LOXHD1: variants seen among roughly 807,000 people sequenced by gnomAD.
The protein encoded by LOXHD1 is lipoxygenase homology domain-containing protein 1.
A neutral mutation model predicts 248.2 loss-of-function variants in LOXHD1; 205 were observed. That is an observed-to-expected ratio of 0.83 (90% CI 0.74 to 0.93). The LOEUF (loss-of-function observed/expected upper bound fraction) is 0.93, where lower values mean the gene tolerates loss of function less well. LOXHD1 is among the 40% of genes least tolerant of loss of function. The pLI is 0.00. For synonymous variants in LOXHD1, 1,113 were observed against 1,162.8 expected (o/e 0.96, Z 0.87); for missense variants, 2,930 against 2,971.6 (o/e 0.99, Z 0.33).
chr18:46,543,637 A>T (rs1225245285), intron 23 of LOXHD1, among the ~76,000 whole-genome samples: 2 of 151,966 alleles, frequency 1.3e-5, no homozygotes, highest in African/African-American at 4.8e-5. Flanking sequence ...CTCACTGTTC[A>T]ACTCACAGTG....
intron 37 of LOXHD1, among the ~76,000 whole-genome samples, chr18:46,491,433 C>A (rs1218682449): frequency 6.6e-6 from 1 of 152,192 alleles, no homozygotes; most frequent in Non-Finnish European, 1.5e-5. Context: ...TAACTAGCTC[C>A]CAGGCGAGGT....
intron 15 of LOXHD1, 96 bp from the exon 16 acceptor site, chr18:46,569,734 G>A (rs1046438151): frequency 4.8e-5 from 46 of 966,684 alleles, no homozygotes; most frequent in Middle Eastern, 6.5e-4. Context: ...TGGAGCTGGA[G>A]GTTTGTGGGG....
intron 4 of LOXHD1, among the ~76,000 whole-genome samples, chr18:46,628,295 T>C (rs1054683945): frequency 1.3e-5 from 2 of 152,168 alleles, no homozygotes; most frequent in African/African-American, 4.8e-5. Context: ...TCTGCAGTGC[T>C]AGGTGGGAGC....
intron 25 of LOXHD1, 48 bp downstream of exon 25, chr18:46,541,728 G>C (rs1175907517): frequency 4.5e-6 from 7 of 1,547,466 alleles, no homozygotes; most frequent in Non-Finnish European, 5.2e-6. Context: ...GGGGTAGCTG[G>C]TGATGGGGCC....
intron 12 of LOXHD1, among the ~76,000 whole-genome samples, chr18:46,583,942 C>T (rs2038011462): frequency 6.6e-6 from 1 of 152,002 alleles, no homozygotes; most frequent in African/African-American, 2.4e-5. Context: ...ATAGAATCAA[C>T]CTAAGTGTCC....
intron 12 of LOXHD1, among the ~76,000 whole-genome samples, chr18:46,582,018 A>G (rs1044716612): frequency 3.9e-5 from 6 of 152,236 alleles, no homozygotes; most frequent in Non-Finnish European, 8.8e-5. Context: ...AATCACTAGC[A>G]TATCTGTCAA....
intron 12 of LOXHD1, among the ~76,000 whole-genome samples, chr18:46,591,091 C>G (rs543384373): frequency 6.6e-6 from 1 of 152,308 alleles, no homozygotes; most frequent in African/African-American, 2.4e-5. Context: ...TTATAAATAT[C>G]ACACAATCAC....
chr18:46,653,950 A>C (rs2039145553), intron 1 of LOXHD1, among the ~76,000 whole-genome samples: 1 of 152,234 alleles, frequency 6.6e-6, no homozygotes. Flanking sequence ...GCATTTCATA[A>C]GTGGTTACTA....
intron 4 of LOXHD1, among the ~76,000 whole-genome samples, chr18:46,623,525 A>G (rs546532116): frequency 2.0e-5 from 3 of 152,352 alleles, no homozygotes; most frequent in Admixed American, 2.0e-4. Flanking sequence ...TGCCCACTCA[A>G]GGCCACAACA....
intron 12 of LOXHD1, among the ~76,000 whole-genome samples, chr18:46,589,496 T>C (rs2038125838): frequency 6.6e-6 from 1 of 152,160 alleles, no homozygotes; most frequent in South Asian, 2.1e-4. Flanking sequence ...GAGTGGACAC[T>C]GAAAGAAGTA....
At chr18:46,557,903 T>A (rs2037408928) in intron 20 of LOXHD1, 44 of 1,088,146 alleles carry the variant, frequency 4.0e-5, no homozygotes, top group Non-Finnish European at 4.9e-5. Flanking sequence ...ATTAAGTACC[T>A]GCTATGAGCT....
At position 46,562,689 on chromosome 18, in the gene LOXHD1, C is replaced by T. The variant is rs535821996; in HGVS notation, c.2598+376G>A. ...GTCATCTTTTGCAAGATTAGAATCA[C>T]CTGCTCCCATGGTTCTCAGGGTCGG... On this transcript the variant is annotated intron_variant, in intron 18 of 40. Coordinates refer to ENST00000642948, the MANE Select transcript of LOXHD1 (RefSeq NM_001384474.1). Among the ~76,000 whole-genome samples, 8 of 152,278 alleles carry T rather than the reference C, an allele frequency of 5.3e-5. No individual in the cohort carries two copies. The South Asian group carries it at 1.7e-3, about 32-fold the overall frequency.
rs569259509 is a variant in LOXHD1, at chr18:46,606,609, C to T, written c.760-2380G>A. Among the ~76,000 whole-genome samples the T allele has an allele frequency of 1.1e-3, 165 of 152,160 alleles. 1 individual carries two copies. The highest frequency in any genetic ancestry group is 7.0e-3 in the East Asian group (36 of 5,172). ...TAAATTTCATGTTTAGACTTGGGTC[C>T]CATCCCAAGATATCTCATTATGTAT... On this transcript the variant is annotated intron_variant, in intron 6 of 40. Coordinates refer to ENST00000642948, the MANE Select transcript of LOXHD1 (RefSeq NM_001384474.1).
chr18:46,640,115 AG>A (rs1423973994), intron 3 of LOXHD1, among the ~76,000 whole-genome samples: 1 of 152,148 alleles, frequency 6.6e-6, no homozygotes, highest in African/African-American at 2.4e-5. Context: ...CTGGCTATTC[AG>A]GTCTGTTTCC....
intron 6 of LOXHD1, among the ~76,000 whole-genome samples, chr18:46,604,816 A>G (rs1568212895): frequency 5.9e-5 from 9 of 152,186 alleles, no homozygotes; most frequent in African/African-American, 1.9e-4. Flanking sequence ...AGAATACACC[A>G]AAGAGCTGAG....
intron 38 of LOXHD1, among the ~76,000 whole-genome samples, chr18:46,486,232 T>C (rs2033042093): frequency 6.6e-6 from 1 of 152,096 alleles, no homozygotes; most frequent in Admixed American, 6.5e-5. Context: ...CTTGCTGCAG[T>C]ACCTGGATGA....
chr18:46,557,858 G>T, intron 20 of LOXHD1: 1 of 1,234,398 alleles, frequency 8.1e-7, no homozygotes, highest in Non-Finnish European at 1.0e-6. Flanking sequence ...AATGTGTGCA[G>T]GTGTGTGCAT....
At chr18:46,528,370 T>C (rs1598923773) in intron 29 of LOXHD1, among the ~76,000 whole-genome samples, 1 of 150,066 alleles carries the variant, frequency 6.7e-6, no homozygotes, top group Non-Finnish European at 1.5e-5. Flanking sequence ...CTGGGAGGAG[T>C]AGAGGCGGGG....
At position 46,649,281 on chromosome 18, in the gene LOXHD1, G is replaced by A; in HGVS notation, c.131-12C>T. 6.5e-7 allele frequency: 1 copy of A among 1,547,280 alleles called. No individual in the cohort carries two copies. The highest frequency in any genetic ancestry group is 8.7e-7 in the Non-Finnish European group (1 of 1,142,968). ...GACCACTTCATACACTGGAGGAGGAGAGGAGGAGACAGATTGCAGGCTCAG... is the reference window on the plus strand; with the variant it reads ...GACCACTTCATACACTGGAGGAGGAAAGGAGGAGACAGATTGCAGGCTCAG... On this transcript the variant is annotated splice_polypyrimidine_tract_variant and intron_variant, in intron 1 of 40. Transcript: ENST00000642948.
Sources: gnomAD v4.1 joint callset for allele counts (sites outside exome capture counted in the v4.1 genomes callset) on GRCh38, gnomAD v4.1.1 for gene constraint, MANE v1.5 for transcripts, NCBI Gene and HGNC (gene_info 2026-07-23, HGNC 2026-07-21) for gene names.